Variants in QKI observed in about 807,000 individuals in gnomAD.
The protein encoded by QKI is KH domain-containing RNA-binding protein QKI.
Under a neutral mutation model 39.0 loss-of-function variants are expected in QKI, and 10 were observed. That is an observed-to-expected ratio of 0.26 (90% CI 0.16 to 0.43). The LOEUF (loss-of-function observed/expected upper bound fraction) is 0.43, where lower values mean the gene tolerates loss of function less well. Ranked by LOEUF, QKI falls within the 20% of genes least tolerant of loss-of-function variation. The probability of loss-of-function intolerance (pLI) is 1.00; values close to 1 mark genes in which losing one functional copy is unlikely to be tolerated. For synonymous variants in QKI, 204 were observed against 155.4 expected (o/e 1.31, Z -2.33); for missense variants, 218 against 428.0 (o/e 0.51, Z 4.33).
intron 4 of QKI, among the ~76,000 whole-genome samples, chr6:163,549,979 A>G (rs973517796): frequency 1.3e-5 from 2 of 152,208 alleles, no homozygotes; most frequent in South Asian, 4.1e-4. Context: ...AAACTATGCA[A>G]TCTGTTCTTC....
intron 1 of QKI, 38 bp from the exon 2 acceptor site, chr6:163,455,241 T>G: frequency 6.4e-7 from 1 of 1,559,556 alleles, no homozygotes; most frequent in Non-Finnish European, 8.7e-7. Context: ...AAGAATATTT[T>G]TTTTGTCTAA....
At chr6:163,522,294 C>T (rs1388232879) in intron 3 of QKI, among the ~76,000 whole-genome samples, 2 of 152,210 alleles carry the variant, frequency 1.3e-5, no homozygotes, top group Admixed American at 1.3e-4. Flanking sequence ...TGTCTGTTCA[C>T]TTGCCTGTCA....
chr6:163,541,666 TC>T (rs1285251978), intron 4 of QKI, among the ~76,000 whole-genome samples: 5 of 152,048 alleles, frequency 3.3e-5, no homozygotes, highest in African/African-American at 7.2e-5. Flanking sequence ...ATGTATGTAA[TC>T]CGTCTATTAT....
chr6:163,550,243 A>G (rs572193986), intron 4 of QKI, among the ~76,000 whole-genome samples: 66 of 152,266 alleles, frequency 4.3e-4, no homozygotes, highest in Admixed American at 1.0e-3. Flanking sequence ...CGCAGGCACT[A>G]CATGGTAAGG....
intron 3 of QKI, among the ~76,000 whole-genome samples, chr6:163,520,536 A>G (rs532357314): frequency 2.0e-5 from 3 of 152,264 alleles, no homozygotes; most frequent in South Asian, 2.1e-4. Context: ...AGAAAAAAAA[A>G]GGTGGTACGA....
At position 163,463,013 on chromosome 6, in the gene QKI, G is replaced by T. The variant is rs183624099; in HGVS notation, c.285+7592G>T. On this transcript the variant is annotated intron_variant, in intron 2 of 7. Coordinates refer to ENST00000361752, the MANE Select transcript of QKI (RefSeq NM_006775.3). ...ACATATGAAAATATTGAGAAACCAA[G>T]ATGTGATTATCTGAAATGATACAGT... is the stretch of plus-strand genomic sequence containing the variant. Among the ~76,000 whole-genome samples, 14 of 152,274 alleles carry T rather than the reference G, an allele frequency of 9.2e-5. No homozygotes were observed. In the East Asian group the frequency reaches 2.7e-3, roughly 29 times the overall value.
intron 3 of QKI, among the ~76,000 whole-genome samples, chr6:163,517,094 TCTCTCTCTAG>T (rs1554271511): frequency 0.024 from 3,644 of 149,152 alleles, 132 homozygotes; most frequent in African/African-American, 0.087. Context: ...TCTCTCTCTC[TCTCTCTCTAG>T]CTCTCTCTAG....
intron 1 of QKI, among the ~76,000 whole-genome samples, chr6:163,449,079 A>T (rs1271511586): frequency 6.6e-6 from 1 of 152,184 alleles, no homozygotes; most frequent in Non-Finnish European, 1.5e-5. Context: ...GTAATTTGTT[A>T]TTAAGACCTA....
intron 6 of QKI, chr6:163,566,207 A>G (rs572935122): frequency 2.3e-6 from 3 of 1,314,318 alleles, no homozygotes; most frequent in East Asian, 3.0e-5. Flanking sequence ...AGTGTACTAT[A>G]CTGTTTGCTT....
intron 6 of QKI, chr6:163,564,047 ATCAG>A: frequency 8.9e-7 from 1 of 1,128,760 alleles, no homozygotes; most frequent in Non-Finnish European, 1.1e-6. Flanking sequence ...CGTCACCTCC[ATCAG>A]CTCCACTTCT....
At chr6:163,520,072 T>G (rs1583151883) in intron 3 of QKI, among the ~76,000 whole-genome samples, 1 of 152,302 alleles carries the variant, frequency 6.6e-6, no homozygotes, top group East Asian at 1.9e-4. Context: ...GCAAACAATT[T>G]TTGATTCTAT....
intron 3 of QKI, among the ~76,000 whole-genome samples, chr6:163,508,128 T>C (rs2128234086): frequency 6.6e-6 from 1 of 151,654 alleles, no homozygotes; most frequent in South Asian, 2.1e-4. Context: ...GAAAAAAAAT[T>C]GAGAGGTAGG....
At position 163,566,708 on chromosome 6, in the gene QKI, G is replaced by T. The variant is rs755517733; in HGVS notation, c.935-13G>T. The T allele has an allele frequency of 1.2e-6, 2 of 1,612,936 alleles. No homozygotes were observed. The highest frequency in any genetic ancestry group is 1.7e-6 in the Non-Finnish European group (2 of 1,179,434). On this transcript the variant is annotated splice_polypyrimidine_tract_variant and intron_variant, in intron 6 of 7. Transcript: ENST00000361752. ...GTTTTCTAACTTTGTCTTGGTAATTGCAATTTAACTAGGTGCGGTGGCTAC... is the reference window on the plus strand; with the variant it reads ...GTTTTCTAACTTTGTCTTGGTAATTTCAATTTAACTAGGTGCGGTGGCTAC...
chr6:163,472,055 G>A (rs1792234663), intron 2 of QKI, among the ~76,000 whole-genome samples: 1 of 152,048 alleles, frequency 6.6e-6, no homozygotes, highest in African/African-American at 2.4e-5. Flanking sequence ...GGGCTGAGGG[G>A]CACTGACTCC....
At chr6:163,451,976 G>A (rs947081482) in intron 1 of QKI, among the ~76,000 whole-genome samples, 1 of 152,146 alleles carries the variant, frequency 6.6e-6, no homozygotes, top group African/African-American at 2.4e-5. Flanking sequence ...CAAATGGAAA[G>A]TTTTAAAGAC....
chr6:163,470,420 T>C (rs575670658), intron 2 of QKI, among the ~76,000 whole-genome samples: 6 of 152,134 alleles, frequency 3.9e-5, no homozygotes, highest in Non-Finnish European at 8.8e-5. Flanking sequence ...CTAGTAATAG[T>C]AGGTGCCTGG....
intron 1 of QKI, among the ~76,000 whole-genome samples, chr6:163,424,889 C>T (rs1788291700): frequency 6.6e-6 from 1 of 152,142 alleles, no homozygotes; most frequent in South Asian, 2.1e-4. Context: ...CCTCAGCCTC[C>T]CAAAGTTCTG....
chr6:163,436,262 C>A (rs554074338), intron 1 of QKI, among the ~76,000 whole-genome samples: 3 of 152,156 alleles, frequency 2.0e-5, no homozygotes, highest in Non-Finnish European at 4.4e-5. Context: ...GAAGTGTTAA[C>A]TTCTAGAAGG....
At chr6:163,500,868 T>C (rs932667671) in intron 3 of QKI, among the ~76,000 whole-genome samples, 23 of 152,018 alleles carry the variant, frequency 1.5e-4, no homozygotes, top group African/African-American at 5.6e-4. Flanking sequence ...CCATATTAGG[T>C]TTTCAAGCCA....
Sources: allele counts gnomAD v4.1 joint callset (sites outside exome capture counted in the v4.1 genomes callset), GRCh38; gene constraint gnomAD v4.1.1; transcripts MANE v1.5; gene names NCBI Gene and HGNC (gene_info 2026-07-23, HGNC 2026-07-21).